The following DCLK2 variants were observed in gnomAD, a reference collection of about 807,000 sequenced individuals.
DCLK2 encodes serine/threonine-protein kinase DCLK2.
In DCLK2, 31 loss-of-function variants were observed where a neutral mutation model predicts 78.4. The ratio of observed to expected loss-of-function variants is 0.40; its 90% CI spans 0.30 to 0.53. DCLK2 has a LOEUF of 0.53. DCLK2 is among the 20% of genes least tolerant of loss of function. DCLK2 has a pLI of 0.61. For synonymous variants in DCLK2, 407 were observed against 374.9 expected, an observed-to-expected ratio of 1.09 and a Z score of -0.99; for missense variants, 872 against 973.7, an observed-to-expected ratio of 0.90 and a Z score of 1.39.
At chr4:150,189,197 T>TA (rs1286399729) in intron 2 of DCLK2, among the ~76,000 whole-genome samples, 26 of 151,404 alleles carry the variant, frequency 1.7e-4, no homozygotes, top group Admixed American at 1.3e-3. Context: ...TTTCCCTTTT[T>TA]AAAAAAAATT....
chr4:150,152,246 T>C (rs111986575), intron 2 of DCLK2, among the ~76,000 whole-genome samples: 3,131 of 152,266 alleles, frequency 0.021, 47 homozygotes, highest in Non-Finnish European at 0.034. Flanking sequence ...CACACATAAT[T>C]TGAAAGCACT....
At chr4:150,150,798 T>C (rs77766870) in intron 2 of DCLK2, among the ~76,000 whole-genome samples, 14,905 of 152,330 alleles carry the variant, frequency 0.098, 811 homozygotes, top group East Asian at 0.15. Context: ...TTTGTTGCCT[T>C]GTGAACTGCT....
intron 2 of DCLK2, among the ~76,000 whole-genome samples, chr4:150,115,082 C>A (rs1464848764): frequency 2.0e-5 from 3 of 152,130 alleles, no homozygotes; most frequent in Non-Finnish European, 4.4e-5. Context: ...TTGTTCATTT[C>A]TTTTAATTAC....
chr4:150,147,393 G>C (rs1409411430), intron 2 of DCLK2, among the ~76,000 whole-genome samples: 1 of 152,142 alleles, frequency 6.6e-6, no homozygotes, highest in Non-Finnish European at 1.5e-5. Flanking sequence ...TTGTATGGGG[G>C]CCTGGAGTTT....
intron 2 of DCLK2, among the ~76,000 whole-genome samples, chr4:150,156,565 G>A (rs1364394927): frequency 5.3e-5 from 8 of 151,754 alleles, no homozygotes; most frequent in African/African-American, 1.9e-4. Context: ...CAGCTACTCT[G>A]AAGCCTGAGG....
chr4:150,250,504 C>T (rs1312117030), intron 15 of DCLK2, among the ~76,000 whole-genome samples: 1 of 152,000 alleles, frequency 6.6e-6, no homozygotes, highest in Non-Finnish European at 1.5e-5. Context: ...CTTGGTTCTC[C>T]CCACACACTC....
intron 1 of DCLK2, among the ~76,000 whole-genome samples, chr4:150,094,100 A>G (rs1247168592): frequency 6.6e-6 from 1 of 152,228 alleles, no homozygotes; most frequent in Non-Finnish European, 1.5e-5. Flanking sequence ...TGAAACTCCT[A>G]GAAGGAAAAC....
chr4:150,227,332 T>G (rs1321583440), intron 8 of DCLK2, among the ~76,000 whole-genome samples: 2 of 152,246 alleles, frequency 1.3e-5, no homozygotes, highest in Admixed American at 6.5e-5. Flanking sequence ...TGGTGCATAT[T>G]CTGTCTGCAA....
chr4:150,205,174 G>A (rs1016932724), intron 5 of DCLK2, among the ~76,000 whole-genome samples: 1 of 152,090 alleles, frequency 6.6e-6, no homozygotes, highest in Non-Finnish European at 1.5e-5. Context: ...ACCCTTGCAT[G>A]AGTGAGGAGT....
chr4:150,189,713 C>T lies in DCLK2; in HGVS notation c.757-3425C>T, dbSNP rs559810757. On this transcript the variant is annotated intron_variant, in intron 2 of 15. Transcript: ENST00000296550. ...TGGTGAGGGCAGTGGATAATGTAGC[C>T]GTTGTACCACTCACCTGGAAAAGTT... Among the ~76,000 whole-genome samples, 10 of 152,032 alleles carry T rather than the reference C, an allele frequency of 6.6e-5. No homozygotes were observed. In the South Asian group the frequency reaches 8.3e-4, roughly 13 times the overall value.
At chr4:150,139,714 C>T (rs531914896) in intron 2 of DCLK2, among the ~76,000 whole-genome samples, 4 of 152,322 alleles carry the variant, frequency 2.6e-5, no homozygotes, top group Admixed American at 6.5e-5. Context: ...GTATCATTAA[C>T]AATGAAGCAG....
At chr4:150,241,990 G>A (rs1560903430) in intron 12 of DCLK2, among the ~76,000 whole-genome samples, 1 of 152,204 alleles carries the variant, frequency 6.6e-6, no homozygotes, top group Non-Finnish European at 1.5e-5. Flanking sequence ...TTATAGTGTT[G>A]TACTGGGTCA....
intron 15 of DCLK2, chr4:150,253,792 G>A (rs752955756): frequency 5.1e-6 from 5 of 985,322 alleles, no homozygotes; most frequent in African/African-American, 3.5e-5. Context: ...GTGAGAGCAC[G>A]GGAGGAGTCC....
chr4:150,127,950 T>C (rs72965554), intron 2 of DCLK2, among the ~76,000 whole-genome samples: 12,365 of 152,314 alleles, frequency 0.081, 501 homozygotes, highest in Admixed American at 0.093. Context: ...TTGAGTCATA[T>C]GGCACTGCAA....
At chr4:150,145,703 A>G (rs1734422845) in intron 2 of DCLK2, among the ~76,000 whole-genome samples, 1 of 152,208 alleles carries the variant, frequency 6.6e-6, no homozygotes, top group Non-Finnish European at 1.5e-5. Flanking sequence ...GCCTTAGCCC[A>G]GTTTGATTGA....
chr4:150,203,816 A>G lies in DCLK2; in HGVS notation c.983A>G (p.Gln328Arg). 1.2e-6 allele frequency: 2 copies of G among 1,613,988 alleles called. No individual in the cohort carries two copies. The highest frequency in any genetic ancestry group is 8.5e-7 in the Non-Finnish European group (1 of 1,179,940). ...GCAGTTAATGGAACTCCCAGCAGCC[A>G]ACTTTCTACTCCTAAATCTACGAAA... The part of the protein sequence containing the change: ...PASVNGTPSS[Q>R]LSTPKSTKSS... Residue 328 changes from glutamine (Q) to arginine (R), a missense_variant, in exon 5 of 16, where the codon CAA becomes CGA. Transcript: ENST00000296550.
At chr4:150,082,001 AAAAAAAAAAAAAAGAAAAG>A (rs1729331836) in intron 1 of DCLK2, among the ~76,000 whole-genome samples, 1 of 150,922 alleles carries the variant, frequency 6.6e-6, no homozygotes, top group African/African-American at 2.4e-5. Context: ...CTGTCTCAAA[AAAAAAAAAAAAAAGAAAAG>A]AAAAAAAGAA....
intron 15 of DCLK2, chr4:150,253,806 A>G: frequency 1.0e-6 from 1 of 985,450 alleles, no homozygotes; most frequent in Non-Finnish European, 1.2e-6. Context: ...GGAGTCCCAT[A>G]GTTCTCCTAC....
At chr4:150,127,099 C>G (rs950526946) in intron 2 of DCLK2, among the ~76,000 whole-genome samples, 9 of 152,150 alleles carry the variant, frequency 5.9e-5, no homozygotes, top group Non-Finnish European at 1.3e-4. Flanking sequence ...GGTATATGAT[C>G]TCAATATATC....
Sources: allele counts gnomAD v4.1 joint callset (sites outside exome capture counted in the v4.1 genomes callset), GRCh38; gene constraint gnomAD v4.1.1; transcripts MANE v1.5; gene names NCBI Gene and HGNC (gene_info 2026-07-23, HGNC 2026-07-21).